Variants in WWOX observed in about 807,000 individuals in gnomAD.
WWOX encodes WW domain-containing oxidoreductase.
In WWOX, 69 loss-of-function variants were observed where a neutral mutation model predicts 46.2. That is an observed-to-expected ratio of 1.49 (90% confidence interval 1.23 to 1.82). WWOX has a LOEUF of 1.82. Ranked by LOEUF, WWOX falls within the 40% of genes most tolerant of loss-of-function variation. The pLI, the probability that WWOX is intolerant of heterozygous loss-of-function variation, is 0.00. For synonymous variants in WWOX, 359 were observed against 202.6 expected (o/e 1.77, Z -6.56); for missense variants, 919 against 542.6 (o/e 1.69, Z -6.89).
rs1344022326 is a variant in WWOX at position 78,834,067 on chromosome 16, C to CACATGCATCCCAAGTCCAGCTGTCGA, written c.1057-377538_1057-377513dup. ...ATCAGTCAAATCAGAACACTGCTCA[C>CACATGCATCCCAAGTCCAGCTGTCGA]ACATGCATCCCAAGTCCAGCTGTCG... is the stretch of plus-strand genomic sequence containing the variant. On this transcript the variant is annotated intron_variant, in intron 8 of 8. Transcript: ENST00000566780. 2.0e-5 allele frequency among the ~76,000 whole-genome samples: 3 copies of CACATGCATCCCAAGTCCAGCTGTCGA among 152,358 alleles called. No individual in the cohort carries two copies. The East Asian group carries it at 5.8e-4, about 29-fold the overall frequency.
chr16:78,482,141 T>A (rs2084508926), intron 8 of WWOX, among the ~76,000 whole-genome samples: 1 of 152,190 alleles, frequency 6.6e-6, no homozygotes, highest in Admixed American at 6.5e-5. Flanking sequence ...GATGGCTTCA[T>A]GTCTTTTTAC....
At chr16:78,899,338 C>T (rs559068729) in intron 8 of WWOX, 10 of 152,244 alleles carry the variant, frequency 6.6e-5, no homozygotes, top group Middle Eastern at 3.4e-3. Flanking sequence ...GGGAGTTTAG[C>T]TCATTGGTTA....
chr16:79,091,149 G>C (rs932412630), intron 8 of WWOX, among the ~76,000 whole-genome samples: 2 of 152,058 alleles, frequency 1.3e-5, no homozygotes, highest in African/African-American at 4.8e-5. Context: ...ATTTGGTTCT[G>C]CCCAGTGACC....
intron 5 of WWOX, among the ~76,000 whole-genome samples, chr16:78,209,265 C>T (rs1455476011): frequency 6.6e-6 from 1 of 152,114 alleles, no homozygotes; most frequent in African/African-American, 2.4e-5. Context: ...GCTCTGCAGC[C>T]CGAAAAGACC....
In WWOX at chr16:78,226,320, C is replaced by A. The variant is rs116826301; in HGVS notation, c.516+62031C>A. On this transcript the variant is annotated intron_variant, in intron 5 of 8. Transcript: ENST00000566780. Reference sequence around the variant, plus strand: ...ACATTTTGAATCTCCATTAATCTTACAGCTCAGATCCTGTGTATTAAATCT... The same window carrying A: ...ACATTTTGAATCTCCATTAATCTTAAAGCTCAGATCCTGTGTATTAAATCT... 4.9e-3 allele frequency among the ~76,000 whole-genome samples: 750 copies of A among 152,252 alleles called. 8 individuals are homozygous for A. Among genetic ancestry groups the A allele is most frequent in the African/African-American group, 0.017 (714 of 41,556 alleles).
chr16:78,375,204 AGCGTGACGAT>A (rs1203753315), intron 5 of WWOX, among the ~76,000 whole-genome samples: 1 of 152,234 alleles, frequency 6.6e-6, no homozygotes, highest in African/African-American at 2.4e-5. Flanking sequence ...TCATTTCTCA[AGCGTGACGAT>A]ACTGTTACAC....
At chr16:78,835,922 T>C (rs1304022168) in intron 8 of WWOX, among the ~76,000 whole-genome samples, 5 of 152,202 alleles carry the variant, frequency 3.3e-5, no homozygotes, top group African/African-American at 4.8e-5. Context: ...TCCTCAGATA[T>C]ATTTGAGACT....
chr16:78,951,139 T>C (rs570537286), intron 8 of WWOX, among the ~76,000 whole-genome samples: 21 of 152,306 alleles, frequency 1.4e-4, no homozygotes, highest in Admixed American at 1.0e-3. Context: ...AAGATGGGGA[T>C]TGATTGGCAA....
intron 4 of WWOX, among the ~76,000 whole-genome samples, chr16:78,141,414 C>T (rs540332364): frequency 1.3e-5 from 2 of 148,870 alleles, no homozygotes; most frequent in African/African-American, 4.9e-5. Context: ...TGGATGTCAA[C>T]CCCACCATCC....
At chr16:78,977,479 C>T (rs1460179227) in intron 8 of WWOX, among the ~76,000 whole-genome samples, 1 of 152,170 alleles carries the variant, frequency 6.6e-6, no homozygotes. Flanking sequence ...GTAGGCCTGT[C>T]CTTTACTTTA....
intron 5 of WWOX, among the ~76,000 whole-genome samples, chr16:78,192,932 C>G (rs1375754577): frequency 6.6e-6 from 1 of 152,150 alleles, no homozygotes; most frequent in Non-Finnish European, 1.5e-5. Flanking sequence ...ACAAACAATC[C>G]CAGACTCTCA....
rs141789599 is a variant in WWOX at position 78,805,099 on chromosome 16, T to A, written c.1056+372347T>A. Among the ~76,000 whole-genome samples, 198 of 152,278 alleles carry A rather than the reference T, an allele frequency of 1.3e-3. 1 individual carries two copies. The highest frequency in any genetic ancestry group is 4.5e-3 in the African/African-American group (186 of 41,550). ...TCTGCATGTGGTCTTGTACATGAAA[T>A]TAAGAATATCACTACCAAAATATCA... On this transcript the variant is annotated intron_variant, in intron 8 of 8. Transcript: ENST00000566780.
At chr16:78,293,531 G>A (rs546247312) in intron 5 of WWOX, among the ~76,000 whole-genome samples, 2 of 152,228 alleles carry the variant, frequency 1.3e-5, no homozygotes, top group East Asian at 1.9e-4. Flanking sequence ...TCCTCTGAGC[G>A]GGAACTGGGC....
Position 79,212,211 on chromosome 16 carries a change from A to T in WWOX, c.*415A>T, listed in dbSNP as rs1229186760. 3 of 1,439,920 alleles carry T rather than the reference A, an allele frequency of 2.1e-6. No homozygotes were observed. Among genetic ancestry groups the T allele is most frequent in the East Asian group, 2.5e-5 (1 of 40,358 alleles). 89.2% of individuals were successfully genotyped at this position (1,439,920 alleles called of 1,614,324 possible). A position where few individuals can be genotyped will look rare whatever the true frequency, so the allele number is the denominator to read the frequency against. ...CTGGCCTTCTCCTACTTAGGGAAGA[A>T]AAAGCAAGTGTTCACTGCTCCTTGC... On this transcript the variant is annotated 3_prime_UTR_variant, in exon 9 of 9. Transcript: ENST00000566780.
intron 6 of WWOX, among the ~76,000 whole-genome samples, chr16:78,398,035 G>A (rs1765770523): frequency 6.6e-6 from 1 of 152,204 alleles, no homozygotes; most frequent in South Asian, 2.1e-4. Context: ...TACTGTGAAT[G>A]TCACTGTCCA....
chr16:79,153,517 G>C (rs919343215), intron 8 of WWOX, among the ~76,000 whole-genome samples: 3 of 152,162 alleles, frequency 2.0e-5, no homozygotes, highest in African/African-American at 7.2e-5. Flanking sequence ...ACAGCCCACG[G>C]CAATGCACTT....
At chr16:78,707,840 T>TAAAA (rs1446588255) in intron 8 of WWOX, among the ~76,000 whole-genome samples, 17 of 143,784 alleles carry the variant, frequency 1.2e-4, no homozygotes, top group African/African-American at 4.3e-4. Context: ...GTCTCAAAAA[T>TAAAA]ATAAATAAAT....
chr16:78,224,430 G>T (rs1283392745), intron 5 of WWOX, among the ~76,000 whole-genome samples: 4 of 148,450 alleles, frequency 2.7e-5, no homozygotes, highest in Non-Finnish European at 6.0e-5. Context: ...GCCAAAAAAA[G>T]AAAATGGAAG....
At chr16:78,619,842 G>A (rs1567441819) in intron 8 of WWOX, among the ~76,000 whole-genome samples, 1 of 152,052 alleles carries the variant, frequency 6.6e-6, no homozygotes, top group Non-Finnish European at 1.5e-5. Context: ...AAAGGAGGTT[G>A]AACCATGATT....
Sources: gnomAD v4.1 joint callset for allele counts (sites outside exome capture counted in the v4.1 genomes callset) on GRCh38, gnomAD v4.1.1 for gene constraint, MANE v1.5 for transcripts, NCBI Gene and HGNC (gene_info 2026-07-23, HGNC 2026-07-21) for gene names.